The following SLC45A1 variants were observed in gnomAD, a reference collection of about 807,000 sequenced individuals.
SLC45A1 encodes the protein proton-associated sugar transporter A.
A neutral mutation model predicts 57.6 loss-of-function variants in SLC45A1; 28 were observed. That is an observed-to-expected ratio of 0.49 (90% CI 0.36 to 0.67). SLC45A1 has a LOEUF of 0.67. Ranked by LOEUF, SLC45A1 falls within the 30% of genes least tolerant of loss-of-function variation. The probability of loss-of-function intolerance (pLI) is 0.00; values close to 1 mark genes in which losing one functional copy is unlikely to be tolerated. For synonymous variants in SLC45A1, 459 were observed against 471.5 expected, an observed-to-expected ratio of 0.97 and a Z score of 0.34; for missense variants, 814 against 1,041.5, an observed-to-expected ratio of 0.78 and a Z score of 3.01.
rs891741627 is a variant in SLC45A1 at position 8,339,474 on chromosome 1, C to A, written c.1775-19C>A. 4 of 1,613,556 alleles carry A rather than the reference C, an allele frequency of 2.5e-6. No individual in the cohort carries two copies. In the African/African-American group the frequency reaches 4.0e-5, roughly 16 times the overall value. On this transcript the variant is annotated intron_variant, in intron 7 of 8. Transcript: ENST00000471889. ...GGCTCTGGCCGTGTGGCACTGCTCA[C>A]CCTCTCTGTGGCCCGCAGCTATCCT... is the stretch of plus-strand genomic sequence containing the variant.
chr1:8,320,671 C>G (rs564282801), intron 1 of SLC45A1, among the ~76,000 whole-genome samples: 1 of 127,202 alleles, frequency 7.9e-6, no homozygotes, highest in Admixed American at 9.5e-5. Flanking sequence ...CTCTCTCTCT[C>G]TCTCTGTTTC....
At chr1:8,320,848 G>A (rs1383370834) in intron 1 of SLC45A1, among the ~76,000 whole-genome samples, 1 of 152,170 alleles carries the variant, frequency 6.6e-6, no homozygotes, top group East Asian at 1.9e-4. Context: ...TTAAAATGCT[G>A]ATTAGAAAGA....
intron 1 of SLC45A1, 52 bp from the exon 2 acceptor site, chr1:8,324,254 A>T: frequency 6.7e-7 from 1 of 1,487,922 alleles, no homozygotes; most frequent in Non-Finnish European, 9.2e-7. Context: ...ATGTTGGGGG[A>T]GGACTACCCA....
At position 8,343,368 on chromosome 1, in the gene SLC45A1, C is replaced by T. The variant is rs1315194309; in HGVS notation, c.1981-379C>T. Among the ~76,000 whole-genome samples, 1 of 152,150 alleles carries T rather than the reference C, an allele frequency of 6.6e-6. No individual in the cohort carries two copies. Among genetic ancestry groups the T allele is most frequent in the Non-Finnish European group, 1.5e-5 (1 of 68,026 alleles). On this transcript the variant is annotated intron_variant, in intron 8 of 8. Transcript: ENST00000471889. This position sits in a 1 kb window ranked among gnomAD's most constrained non-coding sequence, Gnocchi z 7.7. Reference sequence around the variant, plus strand: ...TGCAGAGGACTTTGGGGGTGTAGGGCAGGTCCCATCCTGGATGAAGGTGAA... The same window carrying T: ...TGCAGAGGACTTTGGGGGTGTAGGGTAGGTCCCATCCTGGATGAAGGTGAA...
chr1:8,324,505 C>A lies in SLC45A1; in HGVS notation c.176C>A (p.Ser59Tyr). The change falls in exon 2 of 9, where the codon TCC becomes TAC. Residue 59 changes from serine (S) to tyrosine (Y), a missense_variant. Ser to Tyr is a moderately radical substitution (Grantham distance 144, BLOSUM62 -2). Transcript: ENST00000471889. The stretch of plus-strand genomic sequence containing the variant: ...AAGAGGAGGAAGTGCATTCGTCCCT[C>A]CCCACCCCCGCCCCCCAACACCCCG... ...HPKRRKCIRP[S>Y]PPPPPNTPCP... The A allele has an allele frequency of 1.8e-6, 2 of 1,132,500 alleles. No homozygotes were observed. The highest frequency in any genetic ancestry group is 2.5e-6 in the Non-Finnish European group (2 of 796,382). The allele number at this position is 1,132,500 out of a possible 1,614,324, so 70.2% of individuals were successfully genotyped here. A position where few individuals can be genotyped will look rare whatever the true frequency, so the allele number is the denominator to read the frequency against.
In SLC45A1 at chr1:8,327,233, T is replaced by C. The variant is rs568082063; in HGVS notation, c.715+1191T>C. 6.6e-6 allele frequency among the ~76,000 whole-genome samples: 1 copy of C among 151,580 alleles called. No homozygotes were observed. Among genetic ancestry groups the C allele is most frequent in the East Asian group, 1.9e-4 (1 of 5,158 alleles). ...ATAATGAGGATTGAGTGTGTGTGCA[T>C]GGACACACACACGACTATATCCATA... On this transcript the variant is annotated intron_variant, in intron 4 of 8. Coordinates refer to ENST00000471889, the MANE Select transcript of SLC45A1 (RefSeq NM_001080397.3). The surrounding 1 kb of genome is among the most constrained non-coding windows in gnomAD (Gnocchi z 4.3).
Position 8,326,512 on chromosome 1 carries a change from G to C in SLC45A1, c.715+470G>C, listed in dbSNP as rs945306419. Among the ~76,000 whole-genome samples, 3 of 152,140 alleles carry C rather than the reference G, an allele frequency of 2.0e-5. No individual in the cohort carries two copies. The highest frequency in any genetic ancestry group is 7.2e-5 in the African/African-American group (3 of 41,420). On this transcript the variant is annotated intron_variant, in intron 4 of 8. Coordinates refer to ENST00000471889, the MANE Select transcript of SLC45A1 (RefSeq NM_001080397.3). The surrounding 1 kb of genome is among the most constrained non-coding windows in gnomAD (Gnocchi z 5.5). ...TAACATTGAATTGACGGCCGACAGC[G>C]CTGCAACTCAAGCCTGAACGAAGCG...
In SLC45A1 at chr1:8,325,197, G is replaced by C; in HGVS notation, c.398-101G>C. The C allele has an allele frequency of 1.4e-6, 1 of 737,902 alleles. No homozygotes were observed. Among genetic ancestry groups the C allele is most frequent in the Non-Finnish European group, 2.4e-6 (1 of 413,062 alleles). 45.7% of individuals were successfully genotyped at this position (737,902 alleles called of 1,614,324 possible). On this transcript the variant is annotated intron_variant, in intron 2 of 8. Transcript: ENST00000471889. This position sits in a 1 kb window ranked among gnomAD's most constrained non-coding sequence, Gnocchi z 6.3. ...ATCATCTTATTCTTTTGATGCACTG[G>C]GGGTGTTTGAGAGCAGGCACTTCAG...
At chr1:8,320,692 TACACACACAC>T (rs57414432) in intron 1 of SLC45A1, among the ~76,000 whole-genome samples, 1,310 of 101,246 alleles carry the variant, frequency 0.013, 18 homozygotes, top group African/African-American at 0.037. Flanking sequence ...TCTCTCTCTC[TACACACACAC>T]ACACACACAC....
chr1:8,322,030 GGTGA>G (rs1557557374), intron 1 of SLC45A1, among the ~76,000 whole-genome samples: 1 of 119,336 alleles, frequency 8.4e-6, no homozygotes, highest in Non-Finnish European at 1.8e-5. Context: ...TGGATGGATG[GGTGA>G]GTGGGTGGGT....
intron 8 of SLC45A1, among the ~76,000 whole-genome samples, chr1:8,341,881 C>T (rs921015626): frequency 6.6e-6 from 1 of 151,848 alleles, no homozygotes; most frequent in South Asian, 2.1e-4. Flanking sequence ...GATTGCACCA[C>T]TGCACTCCAG....
chr1:8,323,595 CGG>C (rs1416800562), intron 1 of SLC45A1, among the ~76,000 whole-genome samples: 1 of 142,678 alleles, frequency 7.0e-6, no homozygotes, highest in Non-Finnish European at 1.5e-5. Context: ...TCTGTGACTA[CGG>C]GATTCCAGAG....
chr1:8,337,217 A>G (rs1386846312), intron 6 of SLC45A1, among the ~76,000 whole-genome samples: 2 of 152,074 alleles, frequency 1.3e-5, no homozygotes, highest in East Asian at 1.9e-4. Context: ...GTGCAGGGGA[A>G]CTCCCATTTA....
In SLC45A1 at chr1:8,330,021, G is replaced by A. The variant is rs1640333231; in HGVS notation, c.716-188G>A. 2 of 679,990 alleles carry A rather than the reference G, an allele frequency of 2.9e-6. No homozygotes were observed. The highest frequency in any genetic ancestry group is 3.8e-5 in the South Asian group (2 of 52,270). The allele number at this position is 679,990 out of a possible 1,614,324, so 42.1% of individuals were successfully genotyped here. A position where few individuals can be genotyped will look rare whatever the true frequency, so the allele number is the denominator to read the frequency against. On this transcript the variant is annotated intron_variant, in intron 4 of 8. Transcript: ENST00000471889. This position sits in a 1 kb window ranked among gnomAD's most constrained non-coding sequence, Gnocchi z 8.4. ...CTGCAGGTGGCTGTGCAGGACAGGA[G>A]GGGGACCTCCTCAAGGGGCCCGCCC...
Position 8,335,396 on chromosome 1 carries a change from G to T in SLC45A1, c.1444-41G>T. The stretch of plus-strand genomic sequence containing the variant: ...GAGCAGGGTCTGCGCTGTGTGATGG[G>T]GGTGCGGGGCTCTGATGAGGGGTTT... On this transcript the variant is annotated intron_variant, in intron 5 of 8. Transcript: ENST00000471889. This position sits in a 1 kb window ranked among gnomAD's most constrained non-coding sequence, Gnocchi z 4.1. The T allele has an allele frequency of 6.5e-7, 1 of 1,545,764 alleles. No homozygotes were observed. Among genetic ancestry groups the T allele is most frequent in the South Asian group, 1.2e-5 (1 of 82,500 alleles).
rs372620355 is a variant in SLC45A1, at chr1:8,326,727, C to T, written c.715+685C>T. On this transcript the variant is annotated intron_variant, in intron 4 of 8. Coordinates refer to ENST00000471889, the MANE Select transcript of SLC45A1 (RefSeq NM_001080397.3). This position sits in a 1 kb window ranked among gnomAD's most constrained non-coding sequence, Gnocchi z 5.5. ...GGCACAGTGGCTCATGCCTGTAATC[C>T]CAGCACTTTGGGAGGGTGAGGTGGG... 5.6e-4 allele frequency among the ~76,000 whole-genome samples: 85 copies of T among 152,286 alleles called. 1 individual carries two copies. Among genetic ancestry groups the T allele is most frequent in the South Asian group, 5.4e-3 (26 of 4,820 alleles).
chr1:8,318,122 CG>C lies in SLC45A1; in HGVS notation c.-86del. On this transcript the variant is annotated 5_prime_UTR_variant, in exon 1 of 9. Transcript: ENST00000471889. ...CCGCCCCGGGTGATGCTGCAGCAGC[CG>C]GGACCGCGGCCGGGCAGGCAGCAGC... The C allele has an allele frequency of 4.2e-6, 2 of 475,212 alleles. No homozygotes were observed. The highest frequency in any genetic ancestry group is 4.2e-5 in the Admixed American group (1 of 23,938). The allele number at this position is 475,212 out of a possible 1,614,324, so 29.4% of individuals were successfully genotyped here.
At chr1:8,338,494 C>T (rs892755915) in intron 7 of SLC45A1, among the ~76,000 whole-genome samples, 2 of 152,240 alleles carry the variant, frequency 1.3e-5, no homozygotes, top group Non-Finnish European at 2.9e-5. Context: ...CACACCAGGG[C>T]GAAGCCGAGG....
At chr1:8,334,420 C>T (rs780196629) in intron 5 of SLC45A1, among the ~76,000 whole-genome samples, 2 of 152,204 alleles carry the variant, frequency 1.3e-5, no homozygotes, top group Non-Finnish European at 2.9e-5. Context: ...CAGGCAGCAA[C>T]GCCTCTTTGC....
Sources: gnomAD v4.1 joint callset for allele counts (sites outside exome capture counted in the v4.1 genomes callset) on GRCh38, gnomAD v4.1.1 for gene constraint, Gnocchi (gnomAD v3.1) non-coding constraint, MANE v1.5 for transcripts, NCBI Gene and HGNC (gene_info 2026-07-23, HGNC 2026-07-21) for gene names.